Variants in PRUNE2 observed in about 807,000 individuals in gnomAD.
PRUNE2 encodes the protein prune homolog 2 with BCH domain.
Under a neutral mutation model 252.0 loss-of-function variants are expected in PRUNE2, and 164 were observed. The ratio of observed to expected loss-of-function variants is 0.65; its 90% CI spans 0.57 to 0.74. The LOEUF (loss-of-function observed/expected upper bound fraction) is 0.74. PRUNE2 is among the 30% of genes least tolerant of loss of function. The pLI is 0.00. For missense variants in PRUNE2, 3,495 were observed against 3,711.0 expected, an observed-to-expected ratio of 0.94 and a Z score of 1.51; for synonymous variants, 1,292 against 1,350.2, an observed-to-expected ratio of 0.96 and a Z score of 0.94.
chr9:76,843,433 G>A (rs756136932), intron 4 of PRUNE2, among the ~76,000 whole-genome samples: 5 of 152,072 alleles, frequency 3.3e-5, no homozygotes, highest in Non-Finnish European at 7.4e-5. Flanking sequence ...TAACAAACCT[G>A]CATGTTCTGC....
chr9:76,777,244 G>T (rs2053905560), intron 6 of PRUNE2, among the ~76,000 whole-genome samples: 2 of 152,200 alleles, frequency 1.3e-5, no homozygotes, highest in Non-Finnish European at 2.9e-5. Context: ...AATGAAGTAG[G>T]AGAGGGGTGC....
chr9:76,619,502 G>A (rs975794912), intron 17 of PRUNE2, 115 bp from the exon 18 acceptor site: 42 of 713,364 alleles, frequency 5.9e-5, no homozygotes, highest in Middle Eastern at 2.3e-4. Context: ...TGCTAATACT[G>A]AACAAATCCA....
intron 6 of PRUNE2, chr9:76,823,248 TTTTTTC>T: frequency 3.3e-5 from 5 of 152,674 alleles, no homozygotes; most frequent in East Asian, 4.2e-4. Flanking sequence ...CTTTTTTTTC[TTTTTTC>T]TTTTTTTTTT....
chr9:76,710,553 T>G lies in PRUNE2; in HGVS notation c.1721A>C (p.Gln574Pro), dbSNP rs751615623. The change falls in exon 8 of 19, where the codon CAA (glutamine) becomes CCA (proline). Residue 574 changes from glutamine (Q) to proline (P), a missense_variant. Gln to Pro is a moderately conservative substitution (Grantham distance 76). Coordinates refer to ENST00000376718, the MANE Select transcript of PRUNE2 (RefSeq NM_015225.3). The stretch of plus-strand genomic sequence containing the variant: ...TTCAGAGTTATCTCTGGGACTGTCT[T>G]GTCTCTGGACAAACTCCTCATCATG... The part of the protein sequence containing the change: ...VEHDEEFVQR[Q>P]DSPRDNSERN... The G allele has an allele frequency of 6.2e-7, 1 of 1,613,986 alleles. No homozygotes were observed. Among genetic ancestry groups the G allele is most frequent in the South Asian group, 1.1e-5 (1 of 91,068 alleles).
chr9:76,766,445 C>A (rs1277896990), intron 6 of PRUNE2, among the ~76,000 whole-genome samples: 1 of 152,104 alleles, frequency 6.6e-6, no homozygotes, highest in Non-Finnish European at 1.5e-5. Flanking sequence ...ATGCTTAACT[C>A]TCCCTTATTT....
chr9:76,645,797 A>G (rs1212535878), intron 11 of PRUNE2, among the ~76,000 whole-genome samples: 1 of 152,194 alleles, frequency 6.6e-6, no homozygotes, highest in Non-Finnish European at 1.5e-5. Flanking sequence ...TAATTCCAAG[A>G]CATTATCATT....
intron 9 of PRUNE2, among the ~76,000 whole-genome samples, chr9:76,680,861 GCA>G (rs951854824): frequency 1.3e-5 from 2 of 152,108 alleles, no homozygotes; most frequent in African/African-American, 4.8e-5. Flanking sequence ...GGGGGAAGTG[GCA>G]CACTTTCAAA....
In PRUNE2 at chr9:76,710,084, A is replaced by C. The variant is rs2046608179; in HGVS notation, c.2190T>G (p.Ile730Met). ...GCAAGCTTTCCTCATTTTTGTCTTG[A>C]ATATCATTGCTACCCAGTTCAGGCT... ...FGQPELGSND[I>M]QDKNEESLPF... Residue 730 changes from isoleucine (I) to methionine (M), a missense_variant, in exon 8 of 19, where the codon ATT (isoleucine) becomes ATG (methionine). Coordinates refer to ENST00000376718, the MANE Select transcript of PRUNE2 (RefSeq NM_015225.3). 1 of 1,613,890 alleles carries C rather than the reference A, an allele frequency of 6.2e-7. No individual in the cohort carries two copies. The highest frequency in any genetic ancestry group is 2.2e-5 in the East Asian group (1 of 44,880).
At chr9:76,826,402 G>A (rs2058347555) in intron 5 of PRUNE2, among the ~76,000 whole-genome samples, 178 bp downstream of exon 5, 1 of 152,174 alleles carries the variant, frequency 6.6e-6, no homozygotes. Flanking sequence ...GAACCCGGGA[G>A]GTCGAGGTTG....
chr9:76,774,456 T>TATTTATTTATTTATTTATTTATTTA (rs770848796), intron 6 of PRUNE2, among the ~76,000 whole-genome samples: 4 of 133,814 alleles, frequency 3.0e-5, no homozygotes, highest in African/African-American at 8.1e-5. Flanking sequence ...AACCCTTTTT[T>TATTTATTTATTTATTTATTTATTTA]TTTTTTTTTT....
chr9:76,611,562 T>C lies in PRUNE2; in HGVS notation c.*3008A>G, dbSNP rs911816944. 6 of 152,404 alleles carry C rather than the reference T, an allele frequency of 3.9e-5. No homozygotes were observed. Among genetic ancestry groups the C allele is most frequent in the Non-Finnish European group, 5.9e-5 (4 of 68,032 alleles). 9.4% of individuals were successfully genotyped at this position (152,404 alleles called of 1,614,324 possible). A position where few individuals can be genotyped will look rare whatever the true frequency, so the allele number is the denominator to read the frequency against. ...ACCTTTAGATATATAAAAGATTAAT[T>C]TGTGCACATCTAAATGTTTCTAAGG... On this transcript the variant is annotated 3_prime_UTR_variant, in exon 19 of 19. Coordinates refer to ENST00000376718, the MANE Select transcript of PRUNE2 (RefSeq NM_015225.3).
chr9:76,810,516 T>A (rs2131722562), intron 6 of PRUNE2, among the ~76,000 whole-genome samples: 2 of 152,332 alleles, frequency 1.3e-5, no homozygotes, highest in East Asian at 3.9e-4. Context: ...TTGTAGCATC[T>A]TACCTGTTTT....
chr9:76,619,277 T>C (rs1208085818), intron 18 of PRUNE2, 63 bp downstream of exon 18: 1 of 1,124,416 alleles, frequency 8.9e-7, no homozygotes, highest in African/African-American at 1.5e-5. Context: ...GTGTTTTCTT[T>C]CAGAGCCCAG....
At chr9:76,715,507 A>T (rs2047072893) in intron 6 of PRUNE2, among the ~76,000 whole-genome samples, 1 of 152,208 alleles carries the variant, frequency 6.6e-6, no homozygotes, top group South Asian at 2.1e-4. Context: ...ATACGAATCC[A>T]CAAAGGTCTC....
chr9:76,897,891 G>C (rs1283798672), intron 1 of PRUNE2, among the ~76,000 whole-genome samples: 1 of 152,160 alleles, frequency 6.6e-6, no homozygotes, highest in Non-Finnish European at 1.5e-5. Flanking sequence ...AATTGTTCCT[G>C]TTTCTGTGAA....
At chr9:76,636,355 G>C (rs1840059401) in intron 15 of PRUNE2, 116 bp downstream of exon 15, 1 of 665,944 alleles carries the variant, frequency 1.5e-6, no homozygotes. Flanking sequence ...GAAAGACAGA[G>C]ACAAATATAT....
chr9:76,905,304 C>G (rs117354263), intron 1 of PRUNE2, among the ~76,000 whole-genome samples: 6 of 152,148 alleles, frequency 3.9e-5, no homozygotes, highest in African/African-American at 9.7e-5. Context: ...CCCGGGAGAA[C>G]GATGATCTGG....
At chr9:76,732,018 T>C (rs1455211426) in intron 6 of PRUNE2, among the ~76,000 whole-genome samples, 1 of 152,130 alleles carries the variant, frequency 6.6e-6, no homozygotes, top group African/African-American at 2.4e-5. Flanking sequence ...ATTTATGTCA[T>C]AGAAAATTAC....
At chr9:76,865,683 C>A (rs1420686749) in intron 1 of PRUNE2, among the ~76,000 whole-genome samples, 1 of 152,118 alleles carries the variant, frequency 6.6e-6, no homozygotes, top group African/African-American at 2.4e-5. Flanking sequence ...ATAACAGTAT[C>A]ATGGGATAAA....
Sources: allele counts gnomAD v4.1 joint callset (sites outside exome capture counted in the v4.1 genomes callset), GRCh38; gene constraint gnomAD v4.1.1; transcripts MANE v1.5; gene names NCBI Gene and HGNC (gene_info 2026-07-23, HGNC 2026-07-21).